SCGN: variants seen among roughly 807,000 people sequenced by gnomAD.
The protein encoded by SCGN is secretagogin, EF-hand calcium binding protein, also known as secretagogin.
In SCGN, 30 loss-of-function variants were observed where a neutral mutation model predicts 39.7. The observed-to-expected ratio is 0.76, with a 90% CI of 0.57 to 1.03. SCGN has a LOEUF of 1.03. Ranked by LOEUF, SCGN falls within the 50% of genes least tolerant of loss-of-function variation. SCGN has a pLI of 0.00. For synonymous variants in SCGN, 106 were observed against 114.1 expected (o/e 0.93, Z 0.45); for missense variants, 353 against 349.4 (o/e 1.01, Z -0.08).
intron 3 of SCGN, among the ~76,000 whole-genome samples, chr6:25,663,311 G>T (rs1331769900): frequency 6.6e-6 from 1 of 152,194 alleles, no homozygotes; most frequent in Non-Finnish European, 1.5e-5. Context: ...GCCACCCTTA[G>T]TCTCAAAGGG....
chr6:25,682,237 A>G (rs1201887957), intron 7 of SCGN, among the ~76,000 whole-genome samples: 7 of 152,220 alleles, frequency 4.6e-5, no homozygotes, highest in Admixed American at 4.6e-4. Context: ...ATTTTCACAA[A>G]TGTTATGGAT....
chr6:25,676,085 A>G (rs1168288029), intron 6 of SCGN, among the ~76,000 whole-genome samples: 2 of 152,172 alleles, frequency 1.3e-5, no homozygotes, highest in African/African-American at 4.8e-5. Context: ...ACTTGAAACC[A>G]TCTTTGATGC....
chr6:25,673,231 T>G (rs1561765174), intron 6 of SCGN, among the ~76,000 whole-genome samples: 1 of 152,196 alleles, frequency 6.6e-6, no homozygotes, highest in Non-Finnish European at 1.5e-5. Context: ...GGTTGCATAT[T>G]GCACATTTCA....
intron 7 of SCGN, among the ~76,000 whole-genome samples, chr6:25,687,522 T>C (rs919818448): frequency 2.0e-5 from 3 of 152,184 alleles, no homozygotes; most frequent in Non-Finnish European, 2.9e-5. Context: ...ATTTTTTATA[T>C]TAATCTGGTA....
At position 25,653,441 on chromosome 6, in the gene SCGN, C is replaced by G; in HGVS notation, c.142C>G (p.Leu48Val). ...DAFFLHMLMKLGTDDTVMKAN... is the reference protein window; with the variant it reads ...DAFFLHMLMKVGTDDTVMKAN... ...TTTCTTTCTCCACATGTTGATGAAA[C>G]TGGGTACTGATGTAAGTACTTGCAC... Residue 48 changes from leucine to valine, a missense_variant, in exon 2 of 11, where the codon CTG becomes GTG. Physicochemically the swap from Leu to Val is conservative, Grantham distance 32 (BLOSUM62 1). Coordinates refer to ENST00000377961, the MANE Select transcript of SCGN (RefSeq NM_006998.4). 1 of 1,612,326 alleles carries G rather than the reference C, an allele frequency of 6.2e-7. No individual in the cohort carries two copies. Among genetic ancestry groups the G allele is most frequent in the Non-Finnish European group, 8.5e-7 (1 of 1,178,660 alleles).
rs368133143 is a variant in SCGN at position 25,663,094 on chromosome 6, A to G, written c.246+1450A>G. On this transcript the variant is annotated intron_variant, in intron 3 of 10. Transcript: ENST00000377961. ...GAGGTTGTTGTTTGTACAAAAACTG[A>G]TGGTGCAAGACTGCATCGTTCCCAA... 4.9e-4 allele frequency among the ~76,000 whole-genome samples: 75 copies of G among 152,332 alleles called. No individual in the cohort carries two copies. In the South Asian group the frequency reaches 0.013, roughly 27 times the overall value.
intron 4 of SCGN, among the ~76,000 whole-genome samples, chr6:25,669,000 A>C (rs189455523): frequency 2.0e-5 from 3 of 151,668 alleles, no homozygotes; most frequent in Admixed American, 6.6e-5. Context: ...AGTCCCAGCT[A>C]TTAGGGAGGC....
At chr6:25,696,501 C>A (rs1163504867) in intron 10 of SCGN, among the ~76,000 whole-genome samples, 3 of 152,154 alleles carry the variant, frequency 2.0e-5, no homozygotes, top group Non-Finnish European at 4.4e-5. Context: ...TCCCCTATTA[C>A]TAATAATTTA....
chr6:25,665,768 C>G (rs1182931049), intron 4 of SCGN, among the ~76,000 whole-genome samples: 2 of 152,192 alleles, frequency 1.3e-5, no homozygotes, highest in Non-Finnish European at 2.9e-5. Context: ...ATAGGCAATT[C>G]ACAGAAGAAA....
chr6:25,655,781 T>A (rs1261275566), intron 2 of SCGN, among the ~76,000 whole-genome samples: 1 of 152,194 alleles, frequency 6.6e-6, no homozygotes, highest in Non-Finnish European at 1.5e-5. Flanking sequence ...CATGTTTTTT[T>A]ACCCTTTTTT....
chr6:25,667,239 A>C (rs1760438485), intron 4 of SCGN, among the ~76,000 whole-genome samples: 1 of 152,170 alleles, frequency 6.6e-6, no homozygotes, highest in Admixed American at 6.5e-5. Context: ...GGAAAATCAC[A>C]TGGCCCTATG....
At chr6:25,662,216 TC>T (rs1760350086) in intron 3 of SCGN, among the ~76,000 whole-genome samples, 1 of 152,208 alleles carries the variant, frequency 6.6e-6, no homozygotes. Flanking sequence ...CATTTCTCCT[TC>T]CAGTTACAAA....
intron 3 of SCGN, among the ~76,000 whole-genome samples, chr6:25,663,266 T>C (rs1760370840): frequency 6.6e-6 from 1 of 152,196 alleles, no homozygotes; most frequent in Non-Finnish European, 1.5e-5. Context: ...TTGACTCATG[T>C]TGGATTTTCT....
At chr6:25,687,901 T>C (rs1759725836) in intron 7 of SCGN, among the ~76,000 whole-genome samples, 1 of 152,210 alleles carries the variant, frequency 6.6e-6, no homozygotes, top group South Asian at 2.1e-4. Context: ...ACAATTAACA[T>C]CTTAATTTAT....
chr6:25,685,098 G>A (rs1378487063), intron 7 of SCGN, among the ~76,000 whole-genome samples: 1 of 152,134 alleles, frequency 6.6e-6, no homozygotes, highest in Non-Finnish European at 1.5e-5. Context: ...GCAGCCTCTA[G>A]AACCTGAAAA....
chr6:25,669,058 C>T (rs1759450846), intron 4 of SCGN, among the ~76,000 whole-genome samples: 1 of 150,504 alleles, frequency 6.6e-6, no homozygotes, highest in Non-Finnish European at 1.5e-5. Context: ...TTGCAGTGAG[C>T]CGAGATCGCG....
chr6:25,689,587 ACC>A (rs1759750863), intron 9 of SCGN, 55 bp downstream of exon 9: 1 of 1,448,094 alleles, frequency 6.9e-7, no homozygotes, highest in East Asian at 2.3e-5. Context: ...AACTTATTTA[ACC>A]CCTATGTGGA....
chr6:25,654,001 C>G (rs72838853), intron 2 of SCGN, among the ~76,000 whole-genome samples: 2 of 152,220 alleles, frequency 1.3e-5, no homozygotes, highest in Non-Finnish European at 2.9e-5. Context: ...TATCTAGTGT[C>G]CATCTGATGG....
rs754619065 is a variant in SCGN, at chr6:25,701,231, G to C, written c.727G>C (p.Asp243His). 1.9e-6 allele frequency: 3 copies of C among 1,613,044 alleles called. No homozygotes were observed. Among genetic ancestry groups the C allele is most frequent in the Non-Finnish European group, 2.5e-6 (3 of 1,179,596 alleles). Residue 243 changes from aspartate to histidine, a missense_variant, in exon 11 of 11, where the codon GAT becomes CAT. Transcript: ENST00000377961. ...GCCCAGCATCAGCGGGGTGGACCTT[G>C]ATAAGTTCCGCGAGATTCTCCTGCG... ...VQPSISGVDL[D>H]KFREILLRHC...
Sources: gnomAD v4.1 joint callset for allele counts (sites outside exome capture counted in the v4.1 genomes callset) on GRCh38, gnomAD v4.1.1 for gene constraint, MANE v1.5 for transcripts, NCBI Gene and HGNC (gene_info 2026-07-23, HGNC 2026-07-21) for gene names.